The following SBF2 variants were observed in gnomAD, a reference collection of about 807,000 sequenced individuals.
SBF2 encodes myotubularin-related protein 13.
SBF2 carries 112 observed loss-of-function variants against 225.2 expected under a neutral mutation model. The ratio of observed to expected loss-of-function variants is 0.50; its 90% CI spans 0.43 to 0.58. The LOEUF (loss-of-function observed/expected upper bound fraction) is 0.58, where lower values mean the gene tolerates loss of function less well. SBF2 is among the 20% of genes least tolerant of loss of function. SBF2 has a pLI of 0.00. For synonymous variants in SBF2, 763 were observed against 773.3 expected, an observed-to-expected ratio of 0.99 and a Z score of 0.22; for missense variants, 1,996 against 2,206.2, an observed-to-expected ratio of 0.90 and a Z score of 1.91.
intron 33 of SBF2, chr11:9,791,279 C>T (rs1253787544): frequency 6.6e-6 from 1 of 152,124 alleles, no homozygotes; most frequent in Admixed American, 6.5e-5. Context: ...CATGAGCCCA[C>T]TTTGTTTTTA....
chr11:9,785,561 T>TA (rs897801633), intron 36 of SBF2, among the ~76,000 whole-genome samples: 2 of 152,124 alleles, frequency 1.3e-5, no homozygotes, highest in Non-Finnish European at 2.9e-5. Flanking sequence ...AGACAGCCAT[T>TA]AAAAAATGAT....
chr11:10,029,871 C>T lies in SBF2; in HGVS notation c.407G>A (p.Cys136Tyr). ...ATACACGGTATAGATCAAACCCAGG[C>T]AAGCCTGCAAAAAGATAAATACATG... ...RLYYPEIFRA[C>Y]LGLIYTVYVD... The change falls in exon 5 of 40, where the codon TGC (cysteine) becomes TAC (tyrosine). Residue 136 changes from cysteine (C) to tyrosine (Y), a missense_variant. Cys to Tyr is a radical substitution (Grantham distance 194). Coordinates refer to ENST00000256190, the MANE Select transcript of SBF2 (RefSeq NM_030962.4). 1 of 1,603,040 alleles carries T rather than the reference C, an allele frequency of 6.2e-7. No homozygotes were observed. The highest frequency in any genetic ancestry group is 8.5e-7 in the Non-Finnish European group (1 of 1,169,994).
At chr11:10,133,974 G>A (rs945213263) in intron 2 of SBF2, among the ~76,000 whole-genome samples, 2 of 152,220 alleles carry the variant, frequency 1.3e-5, no homozygotes, top group African/African-American at 4.8e-5. Context: ...CTTACGTAAA[G>A]CTTCTGAATT....
chr11:9,888,266 G>C (rs1272169133), intron 17 of SBF2, among the ~76,000 whole-genome samples: 8 of 152,184 alleles, frequency 5.3e-5, no homozygotes, highest in Non-Finnish European at 1.2e-4. Flanking sequence ...GGGAAGCCAA[G>C]GGGGAGGATC....
chr11:10,038,817 A>G (rs919664163), intron 3 of SBF2, among the ~76,000 whole-genome samples: 2 of 151,920 alleles, frequency 1.3e-5, no homozygotes, highest in Admixed American at 1.3e-4. Flanking sequence ...AGACAAGTAT[A>G]TAAACATATG....
chr11:9,884,990 C>T (rs1860140551), intron 17 of SBF2, among the ~76,000 whole-genome samples: 1 of 152,042 alleles, frequency 6.6e-6, no homozygotes, highest in Admixed American at 6.6e-5. Flanking sequence ...GTGGCTCACG[C>T]CTGTAATCTC....
intron 2 of SBF2, among the ~76,000 whole-genome samples, chr11:10,147,516 G>A (rs775580516): frequency 6.6e-6 from 1 of 152,068 alleles, no homozygotes; most frequent in Non-Finnish European, 1.5e-5. Context: ...GCTAAACGAT[G>A]AGAACCTATG....
intron 2 of SBF2, among the ~76,000 whole-genome samples, chr11:10,074,470 G>C (rs951713926): frequency 6.6e-6 from 1 of 152,104 alleles, no homozygotes; most frequent in African/African-American, 2.4e-5. Context: ...AATGTTCTTC[G>C]AATTTTATAA....
chr11:9,890,763 C>T (rs6483792), intron 17 of SBF2, among the ~76,000 whole-genome samples: 28,191 of 152,118 alleles, frequency 0.19, 2,964 homozygotes, highest in Non-Finnish European at 0.23. Context: ...CCAGGAAACC[C>T]TTTGGAATAC....
intron 28 of SBF2, chr11:9,819,614 T>C (rs183762352): frequency 2.0e-5 from 3 of 152,296 alleles, no homozygotes; most frequent in Non-Finnish European, 2.9e-5. Context: ...CTTTTGAAGA[T>C]TGTCATTCAG....
chr11:10,223,399 T>TTATTTATATATATATATATA (rs1958412832), intron 1 of SBF2, among the ~76,000 whole-genome samples: 1 of 59,278 alleles, frequency 1.7e-5, no homozygotes, highest in Non-Finnish European at 3.4e-5. Context: ...ATTTTGCACA[T>TTATTTATATATATATATATA]TATATATATA....
At chr11:9,985,077 A>G (rs539266446) in intron 13 of SBF2, among the ~76,000 whole-genome samples, 9 of 152,346 alleles carry the variant, frequency 5.9e-5, no homozygotes, top group African/African-American at 2.2e-4. Flanking sequence ...GAAGAGCACG[A>G]TGAAAGCAAC....
At chr11:10,190,278 CAT>C (rs1394223083) in intron 2 of SBF2, among the ~76,000 whole-genome samples, 1 of 152,068 alleles carries the variant, frequency 6.6e-6, no homozygotes, top group Admixed American at 6.5e-5. Flanking sequence ...GATTGTTAAC[CAT>C]AGAATGCCTC....
At chr11:9,828,649 G>A (rs1383180925) in intron 28 of SBF2, 3 of 984,942 alleles carry the variant, frequency 3.0e-6, no homozygotes, top group Non-Finnish European at 3.6e-6. Flanking sequence ...CAGAATATTA[G>A]TACAAGTCTT....
chr11:10,136,281 G>A (rs1954350148), intron 2 of SBF2, among the ~76,000 whole-genome samples: 1 of 152,072 alleles, frequency 6.6e-6, no homozygotes, highest in South Asian at 2.1e-4. Context: ...TTTGGATAGG[G>A]ACACAGCCAA....
chr11:10,015,130 C>G (rs1052151278), intron 6 of SBF2, among the ~76,000 whole-genome samples: 3 of 151,906 alleles, frequency 2.0e-5, no homozygotes, highest in Non-Finnish European at 2.9e-5. Flanking sequence ...CAAGACGCAC[C>G]CTGTCTCAAT....
intron 13 of SBF2, among the ~76,000 whole-genome samples, chr11:9,970,450 C>A (rs1211306832): frequency 6.6e-6 from 1 of 152,094 alleles, no homozygotes; most frequent in African/African-American, 2.4e-5. Context: ...CGTGATCCAC[C>A]CGCCTCAGCC....
At chr11:10,195,589 C>T (rs578121638) in intron 1 of SBF2, among the ~76,000 whole-genome samples, 1 of 152,244 alleles carries the variant, frequency 6.6e-6, no homozygotes. Flanking sequence ...TAAAAATCAT[C>T]CACTATGATT....
At chr11:10,199,846 A>G (rs1276494688) in intron 1 of SBF2, among the ~76,000 whole-genome samples, 1 of 152,198 alleles carries the variant, frequency 6.6e-6, no homozygotes. Context: ...TGGCAATGTC[A>G]AATGGTGTAC....
Sources: allele counts gnomAD v4.1 joint callset (sites outside exome capture counted in the v4.1 genomes callset), GRCh38; gene constraint gnomAD v4.1.1; transcripts MANE v1.5; gene names NCBI Gene and HGNC (gene_info 2026-07-23, HGNC 2026-07-21).